The following MDGA2 variants were observed in gnomAD, a reference collection of about 807,000 sequenced individuals.
MDGA2 encodes the protein MAM domain containing glycosylphosphatidylinositol anchor 2.
Under a neutral mutation model 117.8 loss-of-function variants are expected in MDGA2, and 40 were observed. The observed-to-expected ratio is 0.34, with a 90% CI of 0.26 to 0.44. The LOEUF (loss-of-function observed/expected upper bound fraction) is 0.44. Among genes scored for constraint, MDGA2 ranks in the 20% least tolerant of loss-of-function variants. MDGA2 has a pLI of 1.00. For missense variants in MDGA2, 1,123 were observed against 1,250.6 expected (o/e 0.90, Z 1.54); for synonymous variants, 452 against 439.0 (o/e 1.03, Z -0.37).
At chr14:47,135,325 T>C (rs1008237069) in intron 4 of MDGA2, among the ~76,000 whole-genome samples, 9 of 152,132 alleles carry the variant, frequency 5.9e-5, no homozygotes, top group African/African-American at 9.7e-5. Context: ...TCTGATCCAT[T>C]ATCATGGTTC....
intron 3 of MDGA2, among the ~76,000 whole-genome samples, chr14:47,172,117 C>A (rs1884175188): frequency 6.6e-6 from 1 of 152,184 alleles, no homozygotes; most frequent in Non-Finnish European, 1.5e-5. Context: ...ATAGCCCAGG[C>A]TTGCTCAGCT....
At chr14:47,215,427 T>A (rs942600609) in intron 3 of MDGA2, among the ~76,000 whole-genome samples, 3 of 152,088 alleles carry the variant, frequency 2.0e-5, no homozygotes, top group Non-Finnish European at 4.4e-5. Flanking sequence ...TGATAAAGCA[T>A]GTTTTAAATT....
chr14:46,972,094 A>G (rs1886291707), intron 8 of MDGA2, among the ~76,000 whole-genome samples: 1 of 152,140 alleles, frequency 6.6e-6, no homozygotes, highest in Non-Finnish European at 1.5e-5. Flanking sequence ...CTGGTAGGTT[A>G]GAAGTATGGA....
chr14:47,597,447 C>T lies in MDGA2; in HGVS notation c.280+77070G>A, dbSNP rs868690597. On this transcript the variant is annotated intron_variant, in intron 1 of 16. Coordinates refer to ENST00000399232, the MANE Select transcript of MDGA2 (RefSeq NM_001113498.3). ...ACCAAAATTCTTTTTCAATAATGAA[C>T]GTAAGTTAATAATGTTGGTAAAATT... Among the ~76,000 whole-genome samples the T allele has an allele frequency of 4.0e-5, 6 of 151,724 alleles. No homozygotes were observed. In the South Asian group the frequency reaches 1.2e-3, roughly 32 times the overall value.
chr14:47,128,388 C>T (rs1022729621), intron 5 of MDGA2, among the ~76,000 whole-genome samples: 1 of 151,842 alleles, frequency 6.6e-6, no homozygotes, highest in Non-Finnish European at 1.5e-5. Flanking sequence ...TTTTTTTCTT[C>T]CTCATTCCAT....
chr14:47,070,476 A>G (rs1203896083), intron 6 of MDGA2, among the ~76,000 whole-genome samples: 3 of 152,208 alleles, frequency 2.0e-5, no homozygotes, highest in Non-Finnish European at 4.4e-5. Flanking sequence ...CCTATCTCCC[A>G]TTCTCTGTAG....
Position 47,391,239 on chromosome 14 carries a change from T to C in MDGA2, c.281-89689A>G, listed in dbSNP as rs577826279. 9.2e-5 allele frequency among the ~76,000 whole-genome samples: 14 copies of C among 152,314 alleles called. No individual in the cohort carries two copies. The East Asian group carries it at 2.7e-3, about 29-fold the overall frequency. Reference sequence around the variant, plus strand: ...TGATTTCATGCTGCCCTAGCAACTTTTTGATTGTGACTGCCTGTACTGTAG... The same window carrying C: ...TGATTTCATGCTGCCCTAGCAACTTCTTGATTGTGACTGCCTGTACTGTAG... On this transcript the variant is annotated intron_variant, in intron 1 of 16. Transcript: ENST00000399232.
At chr14:46,878,498 T>A (rs1882318641) in intron 11 of MDGA2, among the ~76,000 whole-genome samples, 1 of 152,080 alleles carries the variant, frequency 6.6e-6, no homozygotes. Flanking sequence ...TAATAAACTC[T>A]GACGGGCAAA....
chr14:47,081,313 C>T (rs536527911), intron 6 of MDGA2, among the ~76,000 whole-genome samples: 5 of 151,970 alleles, frequency 3.3e-5, no homozygotes, highest in Admixed American at 6.5e-5. Flanking sequence ...AACGGAAACA[C>T]GAACAACTTA....
At chr14:47,382,099 G>A (rs529752767) in intron 1 of MDGA2, among the ~76,000 whole-genome samples, 1 of 152,136 alleles carries the variant, frequency 6.6e-6, no homozygotes, top group Non-Finnish European at 1.5e-5. Flanking sequence ...AAGAAGGAAT[G>A]GGGAAAGGAT....
intron 1 of MDGA2, among the ~76,000 whole-genome samples, chr14:47,632,719 T>G (rs4900791): frequency 1 from 151,433 of 152,166 alleles, 75,356 homozygotes; most frequent in East Asian, 1. Flanking sequence ...GCTCTTTCTG[T>G]CTTCTAAGAC....
chr14:47,071,792 AGAGATCTG>A, intron 6 of MDGA2, among the ~76,000 whole-genome samples: 1 of 152,184 alleles, frequency 6.6e-6, no homozygotes, highest in Non-Finnish European at 1.5e-5. Context: ...TTCCTGTTTC[AGAGATCTG>A]AATCAAATGT....
chr14:47,450,563 C>A (rs947005788), intron 1 of MDGA2, among the ~76,000 whole-genome samples: 1 of 152,112 alleles, frequency 6.6e-6, no homozygotes, highest in African/African-American at 2.4e-5. Flanking sequence ...CAAATGATAA[C>A]ATCTGTTTTT....
chr14:47,502,824 T>G (rs1894426143), intron 1 of MDGA2, among the ~76,000 whole-genome samples: 1 of 151,948 alleles, frequency 6.6e-6, no homozygotes, highest in African/African-American at 2.4e-5. Context: ...TGCAGATGCT[T>G]GTCACCATGC....
At chr14:47,254,996 T>C (rs1423301272) in intron 2 of MDGA2, among the ~76,000 whole-genome samples, 2 of 152,208 alleles carry the variant, frequency 1.3e-5, no homozygotes, top group African/African-American at 2.4e-5. Context: ...GAAAATGGCA[T>C]GAGCGAAACC....
intron 3 of MDGA2, among the ~76,000 whole-genome samples, chr14:47,199,776 C>T (rs1885422104): frequency 6.6e-6 from 1 of 152,072 alleles, no homozygotes; most frequent in African/African-American, 2.4e-5. Flanking sequence ...AATAGTAATT[C>T]AGATCAATTT....
intron 1 of MDGA2, among the ~76,000 whole-genome samples, chr14:47,440,226 C>G (rs1254090955): frequency 1.3e-5 from 2 of 152,094 alleles, no homozygotes; most frequent in Non-Finnish European, 2.9e-5. Flanking sequence ...TTTGCCTGCA[C>G]ACAGGAAAAA....
intron 1 of MDGA2, among the ~76,000 whole-genome samples, chr14:47,431,972 C>A (rs1212049731): frequency 6.6e-6 from 1 of 151,984 alleles, no homozygotes; most frequent in Admixed American, 6.6e-5. Flanking sequence ...CTTGAAGGAA[C>A]AAAGTCTGAG....
chr14:47,159,198 T>C (rs1368899598), intron 3 of MDGA2, among the ~76,000 whole-genome samples: 1 of 152,164 alleles, frequency 6.6e-6, no homozygotes, highest in Non-Finnish European at 1.5e-5. Flanking sequence ...ACTTGGGTGA[T>C]AATGATGTGT....
Sources: allele counts gnomAD v4.1 joint callset (sites outside exome capture counted in the v4.1 genomes callset), GRCh38; gene constraint gnomAD v4.1.1; transcripts MANE v1.5; gene names NCBI Gene and HGNC (gene_info 2026-07-23, HGNC 2026-07-21).